Variants in ERC2 observed in about 807,000 individuals in gnomAD.
ERC2 encodes the protein ELKS/RAB6-interacting/CAST family member 2, also known as ERC protein 2.
A neutral mutation model predicts 114.8 loss-of-function variants in ERC2; 42 were observed. The observed-to-expected ratio is 0.37, with a 90% confidence interval of 0.29 to 0.47. The LOEUF (loss-of-function observed/expected upper bound fraction) is 0.47. ERC2 is among the 20% of genes least tolerant of loss of function. ERC2 has a pLI of 0.99. For synonymous variants in ERC2, 454 were observed against 425.5 expected (o/e 1.07, Z -0.82); for missense variants, 939 against 1,150.7 (o/e 0.82, Z 2.66).
At chr3:55,846,154 T>C (rs1459841416) in intron 14 of ERC2, among the ~76,000 whole-genome samples, 1 of 152,232 alleles carries the variant, frequency 6.6e-6, no homozygotes, top group African/African-American at 2.4e-5. Context: ...TCCTACACTT[T>C]ACCTTCAAGT....
chr3:55,603,625 C>T lies in ERC2; in HGVS notation c.*39+80169G>A, dbSNP rs549717240. Among the ~76,000 whole-genome samples the T allele has an allele frequency of 2.3e-3, 311 of 133,116 alleles. 2 individuals carry two copies. Among genetic ancestry groups the T allele is most frequent in the Non-Finnish European group, 3.9e-3 (255 of 64,996 alleles). The allele number at this position is 133,116 out of a possible 152,430, so 87.3% of individuals were successfully genotyped here. A position where few individuals can be genotyped will look rare whatever the true frequency, so the allele number is the denominator to read the frequency against. On this transcript the variant is annotated intron_variant, in intron 17 of 17. Transcript: ENST00000288221. The stretch of plus-strand genomic sequence containing the variant: ...TGCCACTGCACTCCAGCCTGGGTGA[C>T]GGAGTGAGACTCTGTCTCAAAAAAA...
chr3:56,097,899 G>A (rs1187117315), intron 6 of ERC2, among the ~76,000 whole-genome samples: 1 of 152,156 alleles, frequency 6.6e-6, no homozygotes, highest in Non-Finnish European at 1.5e-5. Flanking sequence ...TTCTAAGAGG[G>A]AGATACAGAG....
chr3:56,180,630 A>G (rs2083237845), intron 3 of ERC2, among the ~76,000 whole-genome samples: 1 of 152,136 alleles, frequency 6.6e-6, no homozygotes, highest in Non-Finnish European at 1.5e-5. Context: ...AGAAAGTGAA[A>G]TGGTGCTTGC....
chr3:55,568,129 G>A lies in ERC2; in HGVS notation c.*40-56853C>T, dbSNP rs117428461. Among the ~76,000 whole-genome samples the A allele has an allele frequency of 2.0e-3, 297 of 152,278 alleles. 3 individuals are homozygous for A. The highest frequency in any genetic ancestry group is 4.4e-3 in the East Asian group (23 of 5,182). ...TATTCTGCTCATTACAAGTGTATAG[G>A]CCTCACTAGCCAAGTACATTTCATA... is the stretch of plus-strand genomic sequence containing the variant. On this transcript the variant is annotated intron_variant, in intron 17 of 17. Coordinates refer to ENST00000288221, the MANE Select transcript of ERC2 (RefSeq NM_015576.3).
intron 3 of ERC2, among the ~76,000 whole-genome samples, chr3:56,193,873 A>T (rs2047938428): frequency 6.6e-6 from 1 of 152,198 alleles, no homozygotes; most frequent in African/African-American, 2.4e-5. Context: ...GCGTGGCAAT[A>T]AAATAGCCAG....
chr3:56,132,457 C>A (rs2080258778), intron 6 of ERC2, among the ~76,000 whole-genome samples: 1 of 152,188 alleles, frequency 6.6e-6, no homozygotes, highest in Admixed American at 6.5e-5. Flanking sequence ...AACACCTCCT[C>A]CTCCACCAGC....
At chr3:55,791,971 G>A (rs2070068488) in intron 14 of ERC2, among the ~76,000 whole-genome samples, 1 of 152,130 alleles carries the variant, frequency 6.6e-6, no homozygotes, top group Non-Finnish European at 1.5e-5. Flanking sequence ...TCAAGGCTGG[G>A]CTTTCTCTCC....
intron 14 of ERC2, among the ~76,000 whole-genome samples, chr3:55,814,887 C>A (rs2059852103): frequency 6.6e-6 from 1 of 152,160 alleles, no homozygotes; most frequent in African/African-American, 2.4e-5. Flanking sequence ...CTGCTCTTTA[C>A]CCCTCTGTCT....
In ERC2 at chr3:55,774,473, C is replaced by T. The variant is rs116318769; in HGVS notation, c.2565-39555G>A. On this transcript the variant is annotated intron_variant, in intron 14 of 17. Coordinates refer to ENST00000288221, the MANE Select transcript of ERC2 (RefSeq NM_015576.3). The stretch of plus-strand genomic sequence containing the variant: ...ATGATGCTGCAATCTTCCCCCTTTC[C>T]TTGGCTCTCCTGTTTCCCTGGTCTT... 5.8e-3 allele frequency among the ~76,000 whole-genome samples: 877 copies of T among 152,352 alleles called. 6 individuals are homozygous for T. Among genetic ancestry groups the T allele is most frequent in the African/African-American group, 0.019 (784 of 41,584 alleles).
At chr3:56,160,572 G>A (rs1218319054) in intron 4 of ERC2, among the ~76,000 whole-genome samples, 1 of 152,076 alleles carries the variant, frequency 6.6e-6, no homozygotes, top group East Asian at 1.9e-4. Context: ...CCAGCATGGT[G>A]TTTCCTAGAT....
Position 55,796,324 on chromosome 3 carries a change from G to C in ERC2, c.2565-61406C>G, listed in dbSNP as rs113248626. On this transcript the variant is annotated intron_variant, in intron 14 of 17. Transcript: ENST00000288221. Reference sequence around the variant, plus strand: ...AAATCTCAAAAGTGAGGTTGGTGAAGCTCATCAGCGATCCAAGACACAAAA... The same window carrying C: ...AAATCTCAAAAGTGAGGTTGGTGAACCTCATCAGCGATCCAAGACACAAAA... Among the ~76,000 whole-genome samples, 160 of 152,338 alleles carry C rather than the reference G, an allele frequency of 1.1e-3. 1 individual carries two copies. Among genetic ancestry groups the C allele is most frequent in the African/African-American group, 3.8e-3 (158 of 41,588 alleles).
At chr3:55,537,303 C>T in intron 17 of ERC2, among the ~76,000 whole-genome samples, 1 of 152,222 alleles carries the variant, frequency 6.6e-6, no homozygotes, top group East Asian at 1.9e-4. Context: ...AGGTTTGGAG[C>T]ATAGAGGTGG....
At chr3:55,629,790 A>G (rs940474012) in intron 17 of ERC2, among the ~76,000 whole-genome samples, 5 of 152,240 alleles carry the variant, frequency 3.3e-5, no homozygotes, top group African/African-American at 1.2e-4. Flanking sequence ...ACAGTATAAA[A>G]CAGGGGAATG....
intron 6 of ERC2, among the ~76,000 whole-genome samples, chr3:56,114,412 A>G (rs1429383547): frequency 6.6e-6 from 1 of 151,988 alleles, no homozygotes; most frequent in East Asian, 1.9e-4. Flanking sequence ...TTTCCATTCA[A>G]CCCTTACGAA....
At chr3:55,787,631 T>G (rs899541199) in intron 14 of ERC2, among the ~76,000 whole-genome samples, 1 of 152,166 alleles carries the variant, frequency 6.6e-6, no homozygotes, top group Admixed American at 6.5e-5. Flanking sequence ...TATTTTATTT[T>G]AAATGGGAAA....
chr3:56,274,901 A>C (rs1461838688), intron 3 of ERC2, among the ~76,000 whole-genome samples: 1 of 152,272 alleles, frequency 6.6e-6, no homozygotes, highest in Admixed American at 6.5e-5. Context: ...CTTAACTTGT[A>C]TAACCAAAAA....
chr3:55,558,871 T>G (rs2107466840), intron 17 of ERC2, among the ~76,000 whole-genome samples: 1 of 152,324 alleles, frequency 6.6e-6, no homozygotes, highest in South Asian at 2.1e-4. Context: ...TTTTGATCCA[T>G]CATTATTCTG....
intron 14 of ERC2, among the ~76,000 whole-genome samples, chr3:55,883,433 A>T (rs960297645): frequency 9.2e-5 from 14 of 152,166 alleles, no homozygotes; most frequent in African/African-American, 2.9e-4. Flanking sequence ...GTAAGTATAA[A>T]AGGATAGTAC....
At chr3:55,586,007 T>C (rs2057579777) in intron 17 of ERC2, among the ~76,000 whole-genome samples, 1 of 152,126 alleles carries the variant, frequency 6.6e-6, no homozygotes. Context: ...TCCAGGAAGC[T>C]CTGGAAAGGG....
Sources: gnomAD v4.1 joint callset for allele counts (sites outside exome capture counted in the v4.1 genomes callset) on GRCh38, gnomAD v4.1.1 for gene constraint, MANE v1.5 for transcripts, NCBI Gene and HGNC (gene_info 2026-07-23, HGNC 2026-07-21) for gene names.